The following ANKAR variants were observed in gnomAD, a reference collection of about 807,000 sequenced individuals.
The protein encoded by ANKAR is ankyrin and armadillo repeat-containing protein.
A neutral mutation model predicts 146.2 loss-of-function variants in ANKAR; 136 were observed. That is an observed-to-expected ratio of 0.93 (90% confidence interval 0.81 to 1.07). The LOEUF (loss-of-function observed/expected upper bound fraction) is 1.07, where lower values mean the gene tolerates loss of function less well. Among genes scored for constraint, ANKAR ranks in the 50% least tolerant of loss-of-function variants. The pLI, the probability that ANKAR is intolerant of heterozygous loss-of-function variation, is 0.00. For synonymous variants in ANKAR, 500 were observed against 575.8 expected (o/e 0.87, Z 1.88); for missense variants, 1,567 against 1,679.9 (o/e 0.93, Z 1.18).
intron 17 of ANKAR, among the ~76,000 whole-genome samples, chr2:189,735,096 T>G (rs2105868453): frequency 6.6e-6 from 1 of 151,868 alleles, no homozygotes; most frequent in Middle Eastern, 3.4e-3. Flanking sequence ...TAAGCCACCT[T>G]TTGCCCCTCT....
intron 18 of ANKAR, chr2:189,752,735 A>G (rs2045471828): frequency 1.2e-6 from 2 of 1,613,846 alleles, no homozygotes; most frequent in Non-Finnish European, 1.7e-6. Flanking sequence ...CTAAATAAGA[A>G]GCATTAAAAT....
intron 12 of ANKAR, among the ~76,000 whole-genome samples, chr2:189,722,338 CA>C (rs10687526): frequency 7.8e-6 from 1 of 128,436 alleles, no homozygotes. Context: ...GACTCCATCT[CA>C]AAAAAAAAAA....
At position 189,728,793 on chromosome 2, in the gene ANKAR, C is replaced by T. The variant is rs1312877415; in HGVS notation, c.3165C>T (p.Val1055=). The change falls in exon 15 of 23, where the codon GTC becomes GTT. Residue 1055 remains valine, a synonymous_variant. Transcript: ENST00000684021. ...STIAEGTLLS[V]IRAVGSICIG... is the part of the protein sequence containing the mutation. ...TTGCTGAAGGCACACTTCTCAGTGT[C>T]ATCAGAGCAGTGGGATCCATTTGTA... 8 of 1,613,880 alleles carry T rather than the reference C, an allele frequency of 5.0e-6. No homozygotes were observed. The highest frequency in any genetic ancestry group is 6.8e-6 in the Non-Finnish European group (8 of 1,179,836).
At chr2:189,701,812 T>A (rs2038099427) in intron 7 of ANKAR, among the ~76,000 whole-genome samples, 2 of 152,246 alleles carry the variant, frequency 1.3e-5, no homozygotes, top group African/African-American at 4.8e-5. Context: ...CTGGTTCCGA[T>A]GCTTGCTCTG....
At position 189,692,395 on chromosome 2, in the gene ANKAR, G is replaced by A. The variant is rs1462812174; in HGVS notation, c.1180G>A (p.Glu394Lys). 6.2e-7 allele frequency: 1 copy of A among 1,611,362 alleles called. No homozygotes were observed. Among genetic ancestry groups the A allele is most frequent in the Admixed American group, 1.7e-5 (1 of 59,396 alleles). ...ATTTGATATCAGCACCCCTTCAATT[G>A]AGAATGCCTTGGAAGATTTTCAGGT... ...IEFDISTPSIENALEDFQKNL... is the reference protein window; with the variant it reads ...IEFDISTPSIKNALEDFQKNL... The change falls in exon 4 of 23, where the codon GAG becomes AAG. Residue 394 changes from glutamate (E) to lysine (K), a missense_variant. Glu to Lys is a moderately conservative substitution (Grantham distance 56). Transcript: ENST00000684021.
Position 189,728,383 on chromosome 2 carries a change from T to C in ANKAR, c.2994T>C (p.Asn998=), listed in dbSNP as rs760647319. 1.9e-6 allele frequency: 3 copies of C among 1,606,054 alleles called. No homozygotes were observed. The highest frequency in any genetic ancestry group is 1.7e-5 in the Admixed American group (1 of 57,888). ...AEQIGYSFII[N]MLLSPSAKMQ... ...AAATTGGATACAGCTTTATAATAAA[T>C]ATGCTTTTGTCACCATCAGCTAAAA... is the stretch of plus-strand genomic sequence containing the variant. The change falls in exon 14 of 23, where the codon AAT becomes AAC. Residue 998 remains asparagine, a synonymous_variant. Coordinates refer to ENST00000684021, the MANE Select transcript of ANKAR (RefSeq NM_001378068.1).
At chr2:189,700,851 A>AAATGATAGGATCTC (rs1219570737) in intron 7 of ANKAR, among the ~76,000 whole-genome samples, 9 of 152,222 alleles carry the variant, frequency 5.9e-5, no homozygotes, top group Non-Finnish European at 1.0e-4. Flanking sequence ...ATGTTGTTGC[A>AAATGATAGGATCTC]AATGATAGGA....
chr2:189,752,678 T>C (rs1420189168), intron 18 of ANKAR: 5 of 1,613,778 alleles, frequency 3.1e-6, no homozygotes, highest in Middle Eastern at 1.6e-4. Context: ...ATGCCTTCTA[T>C]GTCATGTAAA....
chr2:189,678,732 CA>C (rs975196148), intron 2 of ANKAR, among the ~76,000 whole-genome samples: 3 of 152,134 alleles, frequency 2.0e-5, no homozygotes, highest in African/African-American at 7.2e-5. Flanking sequence ...ATCAGTTGCC[CA>C]TAAGTACTTG....
chr2:189,744,665 C>A, intron 21 of ANKAR, 77 bp from the exon 22 acceptor site: 1 of 1,050,086 alleles, frequency 9.5e-7, no homozygotes, highest in Non-Finnish European at 1.4e-6. Context: ...TGTAAGTCTT[C>A]ATATACTTCT....
chr2:189,737,715 ACTTTTTGC>A lies in ANKAR; in HGVS notation c.3460_3467del (p.Phe1154GlnfsTer2), dbSNP rs1275552461. ...GCTTAAGAGCAGGCTATGCATTAAC[ACTTTTTGC>A]CTTCAATAATCGCTTTCAACAATAC... On this transcript the variant is annotated frameshift_variant, in exon 18 of 23. Coordinates refer to ENST00000684021, the MANE Select transcript of ANKAR (RefSeq NM_001378068.1). LOFTEE classifies it high-confidence loss of function. 1.4e-5 allele frequency: 22 copies of A among 1,598,934 alleles called. No homozygotes were observed. The highest frequency in any genetic ancestry group is 1.9e-5 in the Non-Finnish European group (22 of 1,176,414).
At chr2:189,702,004 C>G (rs777299312) in intron 7 of ANKAR, among the ~76,000 whole-genome samples, 3 of 152,084 alleles carry the variant, frequency 2.0e-5, no homozygotes, top group African/African-American at 7.2e-5. Flanking sequence ...GGTGAGCCTG[C>G]GTCCCTGTAC....
chr2:189,753,814 A>G, intron 18 of ANKAR: 1 of 1,219,386 alleles, frequency 8.2e-7, no homozygotes. Context: ...GGCTAGCATA[A>G]GGCATAAAGA....
At position 189,696,355 on chromosome 2, in the gene ANKAR, T is replaced by C; in HGVS notation, c.1694T>C (p.Val565Ala). Residue 565 changes from valine to alanine, a missense_variant, in exon 7 of 23, where the codon GTT (valine) becomes GCT (alanine). Transcript: ENST00000684021. The stretch of plus-strand genomic sequence containing the variant: ...TTCAAGGTCAACCAGAGGCGCTTTG[T>C]TACGTTCAGCCAAGGTACCATAAAG... ...ANFKVNQRRF[V>A]TFSQGPTPLH... 1 of 1,613,542 alleles carries C rather than the reference T, an allele frequency of 6.2e-7. No homozygotes were observed. Among genetic ancestry groups the C allele is most frequent in the East Asian group, 2.2e-5 (1 of 44,870 alleles).
At chr2:189,751,648 T>C (rs1647746325), downstream of ANKAR, among the ~76,000 whole-genome samples, 1 of 151,336 alleles carries the variant, frequency 6.6e-6, no homozygotes, top group African/African-American at 2.4e-5. Context: ...TTTCACCATG[T>C]TGGCCAGGCT....
chr2:189,713,956 T>A (rs185527377), intron 10 of ANKAR, among the ~76,000 whole-genome samples: 83 of 152,054 alleles, frequency 5.5e-4, no homozygotes, highest in African/African-American at 1.9e-3. Flanking sequence ...ATAGCAGGGG[T>A]TGCCATCCTA....
At chr2:189,733,660 G>A (rs1280727487) in intron 17 of ANKAR, among the ~76,000 whole-genome samples, 2 of 151,870 alleles carry the variant, frequency 1.3e-5, no homozygotes, top group Non-Finnish European at 2.9e-5. Flanking sequence ...AATAATCTTA[G>A]ACTTTCCAAA....
intron 21 of ANKAR, 69 bp from the exon 22 acceptor site, chr2:189,744,670 ACTT>A (rs2043793006): frequency 1.8e-6 from 2 of 1,106,172 alleles, no homozygotes; most frequent in Non-Finnish European, 2.7e-6. Flanking sequence ...GTCTTCATAT[ACTT>A]CTTCATATAT....
intron 19 of ANKAR, among the ~76,000 whole-genome samples, chr2:189,740,814 C>T (rs2165214): frequency 0.016 from 2,430 of 152,254 alleles, 63 homozygotes; most frequent in African/African-American, 0.056. Flanking sequence ...CTGCCTCAGC[C>T]TCCCGAGTAG....
Sources: allele counts gnomAD v4.1 joint callset (sites outside exome capture counted in the v4.1 genomes callset), GRCh38; gene constraint gnomAD v4.1.1; transcripts MANE v1.5; gene names NCBI Gene and HGNC (gene_info 2026-07-23, HGNC 2026-07-21).